Variants in ZNF600 observed in about 807,000 individuals in gnomAD.
ZNF600 encodes the protein zinc finger protein KR-ZNF1.
ZNF600 carries 4 observed loss-of-function variants against 7.3 expected under a neutral mutation model. The ratio of observed to expected loss-of-function variants is 0.55; its 90% CI spans 0.27 to 1.25. ZNF600 has a LOEUF of 1.25. Among genes scored for constraint, ZNF600 ranks in the 50% most tolerant of loss-of-function variants. The pLI, the probability that ZNF600 is intolerant of heterozygous loss-of-function variation, is 0.12. For synonymous variants in ZNF600, 290 were observed against 308.9 expected (o/e 0.94, Z 0.64); for missense variants, 911 against 922.1 (o/e 0.99, Z 0.16).
the ZNF600 span, chr19:52,808,078 C>T: frequency 6.2e-7 from 1 of 1,613,508 alleles, no homozygotes; most frequent in South Asian, 1.1e-5. Flanking sequence ...AGGGTCCAGG[C>T]ATTTCCACTC....
chr19:52,770,535 T>A (rs1314472493), intron 3 of ZNF600, among the ~76,000 whole-genome samples: 1 of 152,216 alleles, frequency 6.6e-6, no homozygotes, highest in Admixed American at 6.5e-5. Context: ...TACAGCAATT[T>A]TACATTTGTG....
the ZNF600 span, among the ~76,000 whole-genome samples, chr19:52,832,863 C>G: frequency 6.6e-6 from 1 of 152,046 alleles, no homozygotes; most frequent in Non-Finnish European, 1.5e-5. Context: ...CCTCCACCTC[C>G]CGGATTCAAG....
the ZNF600 span, chr19:52,800,484 A>G: frequency 6.2e-7 from 1 of 1,613,574 alleles, no homozygotes; most frequent in South Asian, 1.1e-5. Flanking sequence ...ATGGCGTGCA[A>G]GAGTTGATTG....
chr19:52,792,984 C>G, the ZNF600 span, among the ~76,000 whole-genome samples: 1 of 151,924 alleles, frequency 6.6e-6, no homozygotes, highest in Non-Finnish European at 1.5e-5. Context: ...GATCCACCCA[C>G]CTCGGCCTCC....
At chr19:52,801,496 T>C in the ZNF600 span, 5 of 1,614,116 alleles carry the variant, frequency 3.1e-6, no homozygotes, top group East Asian at 2.2e-5. Flanking sequence ...GTCAACTCTT[T>C]GATTTCTGTC....
At chr19:52,799,409 G>A in the ZNF600 span, 15 of 664,084 alleles carry the variant, frequency 2.3e-5, no homozygotes, top group East Asian at 8.2e-5. Context: ...ATTTGCAACC[G>A]AAAACTTTGT....
chr19:52,769,423 TCTCTCTCTCC>T (rs1482423765), intron 3 of ZNF600, among the ~76,000 whole-genome samples: 2 of 152,028 alleles, frequency 1.3e-5, no homozygotes, highest in African/African-American at 4.8e-5. Context: ...GCAAGCTATC[TCTCTCTCTCC>T]CTCTCTCTGC....
upstream of ZNF600, among the ~76,000 whole-genome samples, chr19:52,790,569 G>A (rs2062788571): frequency 6.6e-6 from 1 of 152,094 alleles, no homozygotes; most frequent in Non-Finnish European, 1.5e-5. Context: ...AGCTCTTTGG[G>A]AGTCTAAAGT....
Position 52,766,145 on chromosome 19 carries a change from C to G in ZNF600, c.1818G>C (p.Gln606His), listed in dbSNP as rs1436400900. 10 of 1,614,022 alleles carry G rather than the reference C, an allele frequency of 6.2e-6. No homozygotes were observed. Among genetic ancestry groups the G allele is most frequent in the East Asian group, 4.5e-5 (2 of 44,866 alleles). ...TACGATGGCAATGAAGGTATGACCT[C>G]TGACTGAAGGTCTTGCTGCACTCAT... The change falls in exon 4 of 4, where the codon CAG (glutamine) becomes CAC (histidine). Residue 606 changes from glutamine to histidine, a missense_variant. Physicochemically the swap from Gln to His is conservative, Grantham distance 24 (BLOSUM62 0). Coordinates refer to ENST00000648973, the Ensembl canonical transcript of ZNF600.
chr19:52,795,633 C>A, the ZNF600 span, among the ~76,000 whole-genome samples: 1 of 152,112 alleles, frequency 6.6e-6, no homozygotes, highest in Non-Finnish European at 1.5e-5. Flanking sequence ...GGTGCGCCAT[C>A]TCAGCTCATT....
At chr19:52,771,121 C>T (rs1045236181) in intron 3 of ZNF600, among the ~76,000 whole-genome samples, 15 of 152,128 alleles carry the variant, frequency 9.9e-5, no homozygotes, top group African/African-American at 3.6e-4. Flanking sequence ...GTGTAAGCCA[C>T]CACGACTGGC....
chr19:52,773,679 G>A (rs1321625232), intron 3 of ZNF600, among the ~76,000 whole-genome samples: 1 of 151,956 alleles, frequency 6.6e-6, no homozygotes, highest in Non-Finnish European at 1.5e-5. Context: ...GACCAGCCAG[G>A]CCAGCATGGT....
the ZNF600 span, among the ~76,000 whole-genome samples, chr19:52,810,886 CCTCCCCCTCCCCCTCCCT>C: frequency 0.51 from 18,750 of 36,720 alleles, 5,249 homozygotes; most frequent in Non-Finnish European, 0.6. Context: ...TCCCCCTCCC[CCTCCCCCTCCCCCTCCCT>C]CTCCCTCTCC....
At chr19:52,795,050 G>C in the ZNF600 span, among the ~76,000 whole-genome samples, 1 of 152,094 alleles carries the variant, frequency 6.6e-6, no homozygotes, top group South Asian at 2.1e-4. Flanking sequence ...AAGAAGCAGC[G>C]GTACAAATGA....
At chr19:52,782,382 C>T (rs1248414422) in intron 1 of ZNF600, among the ~76,000 whole-genome samples, 1 of 149,122 alleles carries the variant, frequency 6.7e-6, no homozygotes, top group Non-Finnish European at 1.5e-5. Context: ...AATTAGCCGG[C>T]CATGGTGGTG....
chr19:52,790,947 C>T (rs150646437), upstream of ZNF600, among the ~76,000 whole-genome samples: 65 of 152,136 alleles, frequency 4.3e-4, no homozygotes, highest in East Asian at 0.012. Context: ...TCCCAAAATG[C>T]TGGGATTACA....
the ZNF600 span, among the ~76,000 whole-genome samples, chr19:52,811,597 G>A: frequency 1.4e-5 from 2 of 144,758 alleles, no homozygotes; most frequent in Admixed American, 6.8e-5. Context: ...CTGTCTGGGA[G>A]GTGAGGAGCG....
the ZNF600 span, among the ~76,000 whole-genome samples, chr19:52,792,029 T>C: frequency 2.6e-5 from 4 of 152,182 alleles, no homozygotes; most frequent in African/African-American, 4.8e-5. Context: ...CCCGTCAGAA[T>C]AAGAATCCCT....
chr19:52,768,950 G>A (rs2062610578), intron 3 of ZNF600, among the ~76,000 whole-genome samples: 1 of 152,074 alleles, frequency 6.6e-6, no homozygotes, highest in Admixed American at 6.6e-5. Flanking sequence ...GAAAAGCCAG[G>A]CCATACAGAG....
Sources: allele counts gnomAD v4.1 joint callset (sites outside exome capture counted in the v4.1 genomes callset), GRCh38; gene constraint gnomAD v4.1.1; transcripts MANE v1.5; gene names NCBI Gene and HGNC (gene_info 2026-07-23, HGNC 2026-07-21).